ELMO1: variants seen among roughly 807,000 people sequenced by gnomAD.
The protein encoded by ELMO1 is engulfment and cell motility 1, also known as engulfment and cell motility protein 1.
In ELMO1, 26 loss-of-function variants were observed where a neutral mutation model predicts 98.9. The ratio of observed to expected loss-of-function variants is 0.26; its 90% confidence interval spans 0.19 to 0.36. ELMO1 has a LOEUF of 0.36. ELMO1 is among the 10% of genes least tolerant of loss of function. The pLI, the probability that ELMO1 is intolerant of heterozygous loss-of-function variation, is 1.00. For synonymous variants in ELMO1, 346 were observed against 346.0 expected, an observed-to-expected ratio of 1.00 and a Z score of 0.00; for missense variants, 627 against 935.2, an observed-to-expected ratio of 0.67 and a Z score of 4.30.
chr7:37,023,253 TGTAA>T (rs1281175690), intron 15 of ELMO1, among the ~76,000 whole-genome samples: 5 of 152,250 alleles, frequency 3.3e-5, no homozygotes, highest in Non-Finnish European at 4.4e-5. Flanking sequence ...AACACCTCTA[TGTAA>T]GTTACACTTT....
At chr7:37,055,089 T>A (rs150980015) in intron 15 of ELMO1, among the ~76,000 whole-genome samples, 1 of 152,202 alleles carries the variant, frequency 6.6e-6, no homozygotes, top group South Asian at 2.1e-4. Flanking sequence ...CCTTCAGCCA[T>A]GTCAAAAAGC....
At chr7:37,318,497 T>A (rs1266386109) in intron 2 of ELMO1, among the ~76,000 whole-genome samples, 1 of 152,208 alleles carries the variant, frequency 6.6e-6, no homozygotes, top group East Asian at 1.9e-4. Flanking sequence ...GAGGAATTAC[T>A]TGGATTTTAA....
intron 16 of ELMO1, among the ~76,000 whole-genome samples, chr7:36,993,927 A>ATAAG (rs962445589): frequency 2.2e-4 from 34 of 152,372 alleles, no homozygotes; most frequent in South Asian, 1.7e-3. Flanking sequence ...TGAACCTTGA[A>ATAAG]TAAGTGCTCT....
At chr7:37,377,291 A>T (rs758152751) in intron 1 of ELMO1, among the ~76,000 whole-genome samples, 11 of 152,118 alleles carry the variant, frequency 7.2e-5, no homozygotes, top group Non-Finnish European at 1.5e-4. Flanking sequence ...AAAAATCTCT[A>T]TAACCATAGG....
chr7:37,096,806 A>T, intron 14 of ELMO1, 79 bp from the exon 15 acceptor site: 1 of 1,260,910 alleles, frequency 7.9e-7, no homozygotes, highest in Non-Finnish European at 1.1e-6. Flanking sequence ...ATTCCAATAG[A>T]TGAATACATA....
intron 16 of ELMO1, among the ~76,000 whole-genome samples, chr7:36,974,697 C>T (rs1047617515): frequency 5.3e-5 from 8 of 152,194 alleles, no homozygotes; most frequent in Admixed American, 2.6e-4. Flanking sequence ...AGTGGCAACC[C>T]GCTCGGGTCC....
chr7:36,900,278 G>A (rs1472682233), intron 16 of ELMO1, among the ~76,000 whole-genome samples: 1 of 152,238 alleles, frequency 6.6e-6, no homozygotes, highest in Non-Finnish European at 1.5e-5. Flanking sequence ...AGTGAAGCTA[G>A]TTATTGGTGT....
At chr7:37,061,979 GGTTATATTTC>G (rs1796690732) in intron 15 of ELMO1, among the ~76,000 whole-genome samples, 1 of 152,074 alleles carries the variant, frequency 6.6e-6, no homozygotes, top group African/African-American at 2.4e-5. Context: ...ACCCTGGCTG[GGTTATATTTC>G]ATCCTATGAG....
chr7:37,411,874 T>C (rs1472148407), intron 1 of ELMO1, among the ~76,000 whole-genome samples: 2 of 152,218 alleles, frequency 1.3e-5, no homozygotes, highest in Non-Finnish European at 2.9e-5. Context: ...GCTTTGATAC[T>C]GCTGAGAATG....
intron 4 of ELMO1, among the ~76,000 whole-genome samples, chr7:37,298,532 C>A (rs1222758826): frequency 6.7e-6 from 1 of 148,550 alleles, no homozygotes; most frequent in Non-Finnish European, 1.5e-5. Flanking sequence ...CAATTCCCAC[C>A]TATGAGTGAG....
At chr7:37,193,879 C>G (rs934594599) in intron 13 of ELMO1, among the ~76,000 whole-genome samples, 3 of 152,206 alleles carry the variant, frequency 2.0e-5, no homozygotes, top group African/African-American at 7.2e-5. Flanking sequence ...AAACATGTGA[C>G]TCTAGTACAC....
rs528754154 is a variant in ELMO1 at position 37,139,058 on chromosome 7, A to G, written c.1087-5824T>C. Among the ~76,000 whole-genome samples, 4 of 152,356 alleles carry G rather than the reference A, an allele frequency of 2.6e-5. No homozygotes were observed. The East Asian group carries it at 7.7e-4, about 29-fold the overall frequency. On this transcript the variant is annotated intron_variant, in intron 13 of 21. Transcript: ENST00000310758. ...GATTAAAACCCTCAGCAAAATCTGC[A>G]TAGAAGGGATATACCTTAAGGTAAT...
chr7:37,389,441 G>A (rs919605484), intron 1 of ELMO1, among the ~76,000 whole-genome samples: 4 of 152,138 alleles, frequency 2.6e-5, no homozygotes, highest in Non-Finnish European at 4.4e-5. Flanking sequence ...TTAAAAAGTT[G>A]AGTGTTTTTC....
At chr7:37,363,896 C>G (rs181272301) in intron 1 of ELMO1, among the ~76,000 whole-genome samples, 154 of 152,236 alleles carry the variant, frequency 1.0e-3, no homozygotes, top group African/African-American at 3.3e-3. Context: ...ACCAAAGAAG[C>G]CAGGGAAGAG....
At chr7:37,017,989 C>A (rs1251440667) in intron 15 of ELMO1, among the ~76,000 whole-genome samples, 1 of 152,140 alleles carries the variant, frequency 6.6e-6, no homozygotes, top group African/African-American at 2.4e-5. Context: ...CAAATAAACC[C>A]CCCTGAACCT....
At chr7:37,146,181 C>T (rs2129313980) in intron 13 of ELMO1, among the ~76,000 whole-genome samples, 1 of 152,236 alleles carries the variant, frequency 6.6e-6, no homozygotes, top group African/African-American at 2.4e-5. Flanking sequence ...GGTTGAGAAC[C>T]ACTTTCCAAA....
intron 16 of ELMO1, among the ~76,000 whole-genome samples, chr7:36,960,889 A>G (rs906125475): frequency 6.6e-6 from 1 of 152,148 alleles, no homozygotes; most frequent in Non-Finnish European, 1.5e-5. Flanking sequence ...CCAGCATCCC[A>G]ACATAAGCAA....
At chr7:37,036,095 T>C (rs1167012134) in intron 15 of ELMO1, among the ~76,000 whole-genome samples, 1 of 152,234 alleles carries the variant, frequency 6.6e-6, no homozygotes, top group East Asian at 1.9e-4. Flanking sequence ...GAGTAGTATC[T>C]ACATATGTTT....
intron 19 of ELMO1, among the ~76,000 whole-genome samples, chr7:36,872,647 A>T (rs909550396): frequency 6.6e-6 from 1 of 152,038 alleles, no homozygotes; most frequent in Non-Finnish European, 1.5e-5. Flanking sequence ...CCTTTTCATA[A>T]CCAAGAACTG....
Sources: allele counts gnomAD v4.1 joint callset (sites outside exome capture counted in the v4.1 genomes callset), GRCh38; gene constraint gnomAD v4.1.1; transcripts MANE v1.5; gene names NCBI Gene and HGNC (gene_info 2026-07-23, HGNC 2026-07-21).